Variants in RBMS3 observed in about 807,000 individuals in gnomAD.
RBMS3 encodes the protein RNA-binding motif, single-stranded-interacting protein 3.
RBMS3 carries 27 observed loss-of-function variants against 66.8 expected under a neutral mutation model. The ratio of observed to expected loss-of-function variants is 0.40; its 90% CI spans 0.30 to 0.56. The LOEUF (loss-of-function observed/expected upper bound fraction) is 0.56, where lower values mean the gene tolerates loss of function less well. RBMS3 is among the 20% of genes least tolerant of loss of function. The probability of loss-of-function intolerance (pLI) is 0.40; values close to 1 mark genes in which losing one functional copy is unlikely to be tolerated. For missense variants in RBMS3, 513 were observed against 549.5 expected (o/e 0.93, Z 0.66); for synonymous variants, 188 against 183.0 (o/e 1.03, Z -0.22).
intron 12 of RBMS3, among the ~76,000 whole-genome samples, chr3:29,987,056 A>G (rs1375205593): frequency 6.6e-6 from 1 of 152,192 alleles, no homozygotes; most frequent in African/African-American, 2.4e-5. Context: ...ACTAAGATAC[A>G]CAAAACAGTA....
chr3:29,781,888 T>C (rs1240854078), intron 6 of RBMS3, among the ~76,000 whole-genome samples: 1 of 152,056 alleles, frequency 6.6e-6, no homozygotes, highest in Non-Finnish European at 1.5e-5. Context: ...CCTGGTGACC[T>C]GTATGGCTCA....
At position 29,537,081 on chromosome 3, in the gene RBMS3, A is replaced by AT. The variant is rs533799798; in HGVS notation, c.307+48588dup. ...ATGGCTTCCCCATATTTCCAAACTG[A>AT]TTTTTTCAAATAGATTTGGAATGTT... is the stretch of plus-strand genomic sequence containing the variant. On this transcript the variant is annotated intron_variant, in intron 3 of 14. Coordinates refer to ENST00000383767, the MANE Select transcript of RBMS3 (RefSeq NM_001003793.3). 1.1e-3 allele frequency among the ~76,000 whole-genome samples: 174 copies of AT among 152,228 alleles called. 1 individual carries two copies. Among genetic ancestry groups the AT allele is most frequent in the African/African-American group, 3.9e-3 (161 of 41,542 alleles).
intron 1 of RBMS3, among the ~76,000 whole-genome samples, chr3:29,414,408 T>A (rs2125690358): frequency 6.6e-6 from 1 of 152,332 alleles, no homozygotes; most frequent in Middle Eastern, 3.4e-3. Flanking sequence ...GGTCTTTTAG[T>A]GAAAATAAGT....
chr3:29,545,199 T>A (rs2045908003), intron 3 of RBMS3, among the ~76,000 whole-genome samples: 1 of 152,174 alleles, frequency 6.6e-6, no homozygotes, highest in Non-Finnish European at 1.5e-5. Context: ...TGTACTGATG[T>A]AGTATAATGT....
chr3:29,925,798 T>C (rs1478472407), intron 10 of RBMS3, among the ~76,000 whole-genome samples: 1 of 152,184 alleles, frequency 6.6e-6, no homozygotes, highest in African/African-American at 2.4e-5. Context: ...CTGATGATAG[T>C]ATCCAGTCCC....
chr3:29,828,375 T>C (rs1311672659), intron 6 of RBMS3, among the ~76,000 whole-genome samples: 1 of 152,174 alleles, frequency 6.6e-6, no homozygotes, highest in Non-Finnish European at 1.5e-5. Flanking sequence ...ACAATATTTG[T>C]TCAGATCACT....
At chr3:29,627,593 A>C (rs2149169025) in intron 4 of RBMS3, among the ~76,000 whole-genome samples, 1 of 152,254 alleles carries the variant, frequency 6.6e-6, no homozygotes, top group African/African-American at 2.4e-5. Context: ...CATTCTGTGA[A>C]TATCCCAGAA....
intron 2 of RBMS3, among the ~76,000 whole-genome samples, chr3:29,472,814 A>G (rs2042785681): frequency 6.6e-6 from 1 of 152,144 alleles, no homozygotes; most frequent in Non-Finnish European, 1.5e-5. Flanking sequence ...GATTTATTGC[A>G]AAGAGCGAAA....
At chr3:29,950,214 G>A (rs914406121) in intron 12 of RBMS3, among the ~76,000 whole-genome samples, 9 of 151,766 alleles carry the variant, frequency 5.9e-5, no homozygotes, top group South Asian at 2.1e-4. Flanking sequence ...GAAAAACGAC[G>A]CTTAGTGATG....
At chr3:29,532,004 G>T (rs1050362389) in intron 3 of RBMS3, among the ~76,000 whole-genome samples, 1 of 151,764 alleles carries the variant, frequency 6.6e-6, no homozygotes, top group African/African-American at 2.4e-5. Flanking sequence ...TAACAGAAAC[G>T]GAGCCGTTCT....
At chr3:29,701,081 A>G (rs777822572) in intron 4 of RBMS3, among the ~76,000 whole-genome samples, 2 of 152,170 alleles carry the variant, frequency 1.3e-5, no homozygotes, top group Non-Finnish European at 2.9e-5. Flanking sequence ...GTTCGAGACC[A>G]GCCTGGCCAA....
chr3:29,338,506 A>C lies in RBMS3; in HGVS notation c.75+56750A>C, dbSNP rs147723969. ...TAGCTCCATCTGGGAACTTGTAAGA[A>C]ATGCAAATTCTCAGATTTCTGCTCA... On this transcript the variant is annotated intron_variant, in intron 1 of 14. Coordinates refer to ENST00000383767, the MANE Select transcript of RBMS3 (RefSeq NM_001003793.3). 2.3e-3 allele frequency among the ~76,000 whole-genome samples: 356 copies of C among 152,286 alleles called. 1 individual carries two copies. Among genetic ancestry groups the C allele is most frequent in the African/African-American group, 8.3e-3 (343 of 41,570 alleles).
chr3:29,654,743 C>A (rs2050265990), intron 4 of RBMS3, among the ~76,000 whole-genome samples: 1 of 150,522 alleles, frequency 6.6e-6, no homozygotes, highest in Non-Finnish European at 1.5e-5. Flanking sequence ...GCACACATCA[C>A]CATGCCCAGT....
chr3:29,805,953 C>A lies in RBMS3; in HGVS notation c.637+42964C>A, dbSNP rs573962007. Among the ~76,000 whole-genome samples the A allele has an allele frequency of 5.9e-4, 89 of 152,098 alleles. 1 individual carries two copies. Among genetic ancestry groups the A allele is most frequent in the Admixed American group, 9.8e-4 (15 of 15,242 alleles). On this transcript the variant is annotated intron_variant, in intron 6 of 14. Transcript: ENST00000383767. ...CTGGAACAACTTTCAGTTTTGCAAG[C>A]TGCATTCCTGGTAAGTACCCTATAC...
chr3:29,465,988 C>T (rs1016216805), intron 2 of RBMS3, among the ~76,000 whole-genome samples: 2 of 151,616 alleles, frequency 1.3e-5, no homozygotes, highest in Non-Finnish European at 2.9e-5. Flanking sequence ...ACTGGGCTCA[C>T]GATTTTTGGA....
Position 29,438,028 on chromosome 3 carries a change from T to TTCTCTCTCTCTCTCTCTC in RBMS3, c.248+3130_248+3147dup, listed in dbSNP as rs34431369. Among the ~76,000 whole-genome samples, 227 of 142,554 alleles carry TTCTCTCTCTCTCTCTCTC rather than the reference T, an allele frequency of 1.6e-3. 2 individuals carry two copies. Among genetic ancestry groups the TTCTCTCTCTCTCTCTCTC allele is most frequent in the African/African-American group, 4.4e-3 (167 of 38,002 alleles). The allele number at this position is 142,554 out of a possible 152,430, so 93.5% of individuals were successfully genotyped here. The stretch of plus-strand genomic sequence containing the variant: ...AGGTCATTTGTAAAACCTTGCTTGT[T>TTCTCTCTCTCTCTCTCTC]TCTCTCTCTCTCTCTCTCTCTCTCT... On this transcript the variant is annotated intron_variant, in intron 2 of 14. Coordinates refer to ENST00000383767, the MANE Select transcript of RBMS3 (RefSeq NM_001003793.3).
chr3:29,897,545 GACACAGTAGA>G (rs2060153100), intron 9 of RBMS3, 70 bp downstream of exon 9: 1 of 1,406,316 alleles, frequency 7.1e-7, no homozygotes, highest in Non-Finnish European at 1.0e-6. Context: ...AGGCAAAAAG[GACACAGTAGA>G]ATGAAAAGAA....
chr3:29,336,423 C>T (rs2035951368), intron 1 of RBMS3, among the ~76,000 whole-genome samples: 1 of 151,914 alleles, frequency 6.6e-6, no homozygotes, highest in South Asian at 2.1e-4. Flanking sequence ...TCTACTGACA[C>T]ATGCCAATAT....
chr3:29,662,889 A>G (rs1181543813), intron 4 of RBMS3, among the ~76,000 whole-genome samples: 2 of 152,220 alleles, frequency 1.3e-5, no homozygotes, highest in African/African-American at 2.4e-5. Flanking sequence ...CGTTTCTTCT[A>G]AGAGTATCTT....
Sources: allele counts gnomAD v4.1 joint callset (sites outside exome capture counted in the v4.1 genomes callset), GRCh38; gene constraint gnomAD v4.1.1; transcripts MANE v1.5; gene names NCBI Gene and HGNC (gene_info 2026-07-23, HGNC 2026-07-21).